YARS1: variants seen among roughly 807,000 people sequenced by gnomAD.
YARS1 encodes the protein tyrosyl-tRNA synthetase 1.
A neutral mutation model predicts 62.2 loss-of-function variants in YARS1; 36 were observed. That is an observed-to-expected ratio of 0.58 (90% CI 0.44 to 0.76). The LOEUF (loss-of-function observed/expected upper bound fraction) is 0.76. Ranked by LOEUF, YARS1 falls within the 30% of genes least tolerant of loss-of-function variation. The pLI is 0.00. For missense variants in YARS1, 524 were observed against 639.8 expected (o/e 0.82, Z 1.95); for synonymous variants, 234 against 244.9 (o/e 0.96, Z 0.42).
chr1:32,816,873 CT>C (rs1638754866), intron 1 of YARS1: 1 of 543,650 alleles, frequency 1.8e-6, no homozygotes, highest in Non-Finnish European at 3.3e-6. Context: ...CTGGCAGGCC[CT>C]TGACGTATCC....
At chr1:32,792,555 CAATA>C (rs55681162) in intron 5 of YARS1, among the ~76,000 whole-genome samples, 15,488 of 152,064 alleles carry the variant, frequency 0.1, 875 homozygotes, top group Admixed American at 0.17. Flanking sequence ...CCAGATATTG[CAATA>C]AATAGACCAT....
Position 32,775,666 on chromosome 1 carries a change from T to C in YARS1, c.*315A>G, listed in dbSNP as rs1652830132. 2 of 376,020 alleles carry C rather than the reference T, an allele frequency of 5.3e-6. No homozygotes were observed. Among genetic ancestry groups the C allele is most frequent in the Non-Finnish European group, 9.9e-6 (2 of 202,746 alleles). 23.3% of individuals were successfully genotyped at this position (376,020 alleles called of 1,614,324 possible). A position where few individuals can be genotyped will look rare whatever the true frequency, so the allele number is the denominator to read the frequency against. On this transcript the variant is annotated 3_prime_UTR_variant, in exon 13 of 13. Coordinates refer to ENST00000373477, the MANE Select transcript of YARS1 (RefSeq NM_003680.4). ...CTGGGCACCAGTATTTTTCCAATTA[T>C]AAGGACTGTGGCATAAATTTTTAAA...
chr1:32,807,535 C>A (rs1638490979), intron 3 of YARS1, among the ~76,000 whole-genome samples: 1 of 151,996 alleles, frequency 6.6e-6, no homozygotes, highest in Non-Finnish European at 1.5e-5. Flanking sequence ...CAGCTCATTG[C>A]AGCCTCAATC....
At chr1:32,800,489 TA>T (rs1569753167) in intron 4 of YARS1, among the ~76,000 whole-genome samples, 1 of 151,814 alleles carries the variant, frequency 6.6e-6, no homozygotes. Context: ...AAAATTTAAT[TA>T]AAAAAAATTA....
At position 32,797,746 on chromosome 1, in the gene YARS1, G is replaced by A. The variant is rs1269251355; in HGVS notation, c.591+17C>T. The A allele has an allele frequency of 5.6e-6, 9 of 1,611,540 alleles. No homozygotes were observed. In the African/African-American group the frequency reaches 1.1e-4, roughly 19 times the overall value. ...TCTGAGGTGCAAGTGAAAAAAGACA[G>A]GAAAGCAGACACTCACCTTCTCTGC... On this transcript the variant is annotated intron_variant, in intron 5 of 12. Coordinates refer to ENST00000373477, the MANE Select transcript of YARS1 (RefSeq NM_003680.4).
intron 3 of YARS1, 114 bp from the exon 4 acceptor site, chr1:32,806,725 G>A (rs1038061219): frequency 3.2e-5 from 46 of 1,425,196 alleles, no homozygotes; most frequent in South Asian, 4.9e-5. Flanking sequence ...CAGGGATCTC[G>A]GTTTTAAAAA....
intron 3 of YARS1, 139 bp from the exon 4 acceptor site, chr1:32,806,750 C>A: frequency 3.4e-6 from 4 of 1,177,212 alleles, no homozygotes; most frequent in Non-Finnish European, 4.8e-6. Context: ...TTTTAATCAC[C>A]AACTTTCTTC....
At chr1:32,786,663 T>C (rs1325378451) in intron 7 of YARS1, 1 of 696,570 alleles carries the variant, frequency 1.4e-6, no homozygotes, top group African/African-American at 1.8e-5. Context: ...CTTATATCTA[T>C]TTTGTTGTAT....
intron 1 of YARS1, chr1:32,811,415 G>A (rs945885731): frequency 2.8e-6 from 1 of 360,008 alleles, no homozygotes; most frequent in South Asian, 2.3e-5. Flanking sequence ...GCAGTTCCCA[G>A]GAATTTGCCC....
chr1:32,785,652 G>A (rs932594486), intron 8 of YARS1, among the ~76,000 whole-genome samples: 22 of 151,178 alleles, frequency 1.5e-4, no homozygotes, highest in Non-Finnish European at 2.7e-4. Flanking sequence ...GCGCGATCTC[G>A]GTTCACTGCA....
At chr1:32,808,444 C>G (rs1266568266) in intron 3 of YARS1, among the ~76,000 whole-genome samples, 1 of 151,370 alleles carries the variant, frequency 6.6e-6, no homozygotes, top group East Asian at 2.0e-4. Context: ...GTCTTGAACT[C>G]CTGACCTCAG....
chr1:32,786,046 G>A (rs1478476725), intron 8 of YARS1, among the ~76,000 whole-genome samples: 2 of 152,134 alleles, frequency 1.3e-5, no homozygotes, highest in African/African-American at 4.8e-5. Context: ...TAAGATTACA[G>A]ACATTTACTG....
intron 8 of YARS1, among the ~76,000 whole-genome samples, chr1:32,785,083 A>T (rs699002): frequency 0.31 from 47,517 of 152,046 alleles, 7,538 homozygotes; most frequent in Middle Eastern, 0.34. Flanking sequence ...GTATATTAGC[A>T]TTGTACCATT....
Position 32,817,145 on chromosome 1 carries a change from G to A in YARS1, c.57+43C>T, listed in dbSNP as rs754655435. ...GGGGCTCAAAATCACTGAACCTCGG[G>A]CTCCTAATCCCCAACGGCGCATTTC... On this transcript the variant is annotated intron_variant, in intron 1 of 12. Coordinates refer to ENST00000373477, the MANE Select transcript of YARS1 (RefSeq NM_003680.4). 6 of 1,611,278 alleles carry A rather than the reference G, an allele frequency of 3.7e-6. No homozygotes were observed. The African/African-American group carries it at 8.0e-5, about 22-fold the overall frequency.
At chr1:32,779,697 TAC>T in intron 11 of YARS1, 174 bp from the exon 12 acceptor site, 1 of 806,756 alleles carries the variant, frequency 1.2e-6, no homozygotes, top group East Asian at 2.7e-5. Flanking sequence ...TCACCAGGGT[TAC>T]ATTAACCCAG....
In YARS1 at chr1:32,786,439, T is replaced by A; in HGVS notation, c.829A>T (p.Ile277Phe). 6.2e-7 allele frequency: 1 copy of A among 1,613,756 alleles called. No individual in the cohort carries two copies. The highest frequency in any genetic ancestry group is 1.1e-5 in the South Asian group (1 of 90,940). The change falls in exon 8 of 13, where the codon ATC becomes TTC. Residue 277 changes from isoleucine to phenylalanine, a missense_variant. Physicochemically the swap from Ile to Phe is conservative, Grantham distance 21. Transcript: ENST00000373477. ...VLFPLKSEFVILRDEKWGGNK... is the reference protein window; with the variant it reads ...VLFPLKSEFVFLRDEKWGGNK... Reference sequence around the variant, plus strand: ...CCACCCCATTTCTCATCTCGTAGGATCACAAACTCTATAAGGAAAAGGATC... The same window carrying A: ...CCACCCCATTTCTCATCTCGTAGGAACACAAACTCTATAAGGAAAAGGATC...
intron 5 of YARS1, among the ~76,000 whole-genome samples, chr1:32,796,588 C>G (rs1346408280): frequency 6.6e-6 from 1 of 151,808 alleles, no homozygotes; most frequent in African/African-American, 2.4e-5. Flanking sequence ...GTCTCAAACT[C>G]CTGGGCTCAA....
chr1:32,813,501 G>A (rs1440861307), intron 1 of YARS1, among the ~76,000 whole-genome samples: 1 of 152,152 alleles, frequency 6.6e-6, no homozygotes, highest in Admixed American at 6.5e-5. Flanking sequence ...TGTATTTTTA[G>A]TAGAGATGGG....
At chr1:32,801,094 A>G (rs1208182730) in intron 4 of YARS1, among the ~76,000 whole-genome samples, 1 of 152,206 alleles carries the variant, frequency 6.6e-6, no homozygotes, top group Admixed American at 6.5e-5. Flanking sequence ...AATGTCTTAA[A>G]GGACAGACAG....
Sources: allele counts gnomAD v4.1 joint callset (sites outside exome capture counted in the v4.1 genomes callset), GRCh38; gene constraint gnomAD v4.1.1; transcripts MANE v1.5; gene names NCBI Gene and HGNC (gene_info 2026-07-23, HGNC 2026-07-21).